EPAS1: variants seen among roughly 807,000 people sequenced by gnomAD.
The protein encoded by EPAS1 is endothelial PAS domain protein 1.
A neutral mutation model predicts 87.9 loss-of-function variants in EPAS1; 23 were observed. That is an observed-to-expected ratio of 0.26 (90% CI 0.19 to 0.37). The LOEUF (loss-of-function observed/expected upper bound fraction) is 0.37. EPAS1 is among the 10% of genes least tolerant of loss of function. The probability of loss-of-function intolerance (pLI) is 1.00; values close to 1 mark genes in which losing one functional copy is unlikely to be tolerated. For missense variants in EPAS1, 1,138 were observed against 1,120.7 expected (o/e 1.02, Z -0.22); for synonymous variants, 508 against 444.3 (o/e 1.14, Z -1.80).
chr2:46,332,289 TAC>T (rs1491339065), intron 1 of EPAS1, among the ~76,000 whole-genome samples: 103 of 110,866 alleles, frequency 9.3e-4, no homozygotes, highest in Non-Finnish European at 1.5e-3. Flanking sequence ...AAAAAAAAAA[TAC>T]GTGTGTGTGT....
rs1684851730 is a variant in EPAS1, at chr2:46,380,063, A to G, written c.1555-164A>G. ...ACAAGGTCGTGTACATGACACAGCCAAGTCTGAGGTTTTCCTGATAGGCCC... is the reference window on the plus strand; with the variant it reads ...ACAAGGTCGTGTACATGACACAGCCGAGTCTGAGGTTTTCCTGATAGGCCC... On this transcript the variant is annotated intron_variant, in intron 11 of 15. Coordinates refer to ENST00000263734, the MANE Select transcript of EPAS1 (RefSeq NM_001430.5). The surrounding 1 kb of genome is among the most constrained non-coding windows in gnomAD (Gnocchi z 4.4). 1 of 1,095,984 alleles carries G rather than the reference A, an allele frequency of 9.1e-7. No individual in the cohort carries two copies. Among genetic ancestry groups the G allele is most frequent in the Non-Finnish European group, 1.4e-6 (1 of 726,208 alleles). 67.9% of individuals were successfully genotyped at this position (1,095,984 alleles called of 1,614,324 possible). A position where few individuals can be genotyped will look rare whatever the true frequency, so the allele number is the denominator to read the frequency against.
intron 15 of EPAS1, among the ~76,000 whole-genome samples, chr2:46,383,957 C>T (rs760383634): frequency 1.3e-5 from 2 of 152,190 alleles, no homozygotes; most frequent in Non-Finnish European, 2.9e-5. Context: ...CTGCTGCCAC[C>T]TAAGCCTTTC....
chr2:46,363,771 C>T (rs1451362279), intron 6 of EPAS1, among the ~76,000 whole-genome samples: 1 of 152,184 alleles, frequency 6.6e-6, no homozygotes, highest in Non-Finnish European at 1.5e-5. Flanking sequence ...AGACACACTG[C>T]ATTTTCAGCA....
At chr2:46,348,795 T>C (rs1444049750) in intron 2 of EPAS1, among the ~76,000 whole-genome samples, 1 of 152,240 alleles carries the variant, frequency 6.6e-6, no homozygotes, top group Non-Finnish European at 1.5e-5. Flanking sequence ...AACCCAAAAA[T>C]CTGAAATTTG....
intron 12 of EPAS1, 175 bp from the exon 13 acceptor site, chr2:46,381,421 G>A (rs1368074497): frequency 1.1e-6 from 1 of 948,334 alleles, no homozygotes; most frequent in East Asian, 2.6e-5. Context: ...TGAGGAAGGA[G>A]ACAGAGCTCG....
At position 46,375,733 on chromosome 2, in the gene EPAS1, C is replaced by A; in HGVS notation, c.930C>A (p.Leu310=). ...TAGTAAGTGGCCAGTACCGGATGCT[C>A]GCAAAGCATGGGGGCTACGTGTGGC... The part of the protein sequence containing the change: ...GQVVSGQYRM[L]AKHGGYVWLE... The change falls in exon 8 of 16, where the codon CTC becomes CTA. Residue 310 remains leucine (L), a synonymous_variant. Coordinates refer to ENST00000263734, the MANE Select transcript of EPAS1 (RefSeq NM_001430.5). This position sits in a 1 kb window ranked among gnomAD's most constrained non-coding sequence, Gnocchi z 4.1. 2 of 1,614,168 alleles carry A rather than the reference C, an allele frequency of 1.2e-6. No homozygotes were observed. Among genetic ancestry groups the A allele is most frequent in the Non-Finnish European group, 1.7e-6 (2 of 1,180,026 alleles).
At chr2:46,313,049 A>G (rs972550641) in intron 1 of EPAS1, among the ~76,000 whole-genome samples, 11 of 152,236 alleles carry the variant, frequency 7.2e-5, no homozygotes, top group African/African-American at 2.7e-4. Context: ...AAGAAAGCAG[A>G]TGACTTGCCC....
rs149594770 is a variant in EPAS1 at position 46,325,063 on chromosome 2, T to A, written c.27-21810T>A. 8.0e-3 allele frequency among the ~76,000 whole-genome samples: 1,217 copies of A among 152,362 alleles called. 18 individuals carry two copies. The highest frequency in any genetic ancestry group is 0.027 in the African/African-American group (1,119 of 41,586). On this transcript the variant is annotated intron_variant, in intron 1 of 15. Transcript: ENST00000263734. ...GTTTATCTTTAGGGTGAGCTGACCTTTCCAGATGGAGCAGGGAAATCTCCT... is the reference window on the plus strand; with the variant it reads ...GTTTATCTTTAGGGTGAGCTGACCTATCCAGATGGAGCAGGGAAATCTCCT...
chr2:46,363,561 G>C (rs1217585604), intron 6 of EPAS1, among the ~76,000 whole-genome samples: 1 of 152,182 alleles, frequency 6.6e-6, no homozygotes, highest in Non-Finnish European at 1.5e-5. Context: ...AGAAGAGGGG[G>C]AGAAACACAA....
chr2:46,315,104 A>G (rs1683285455), intron 1 of EPAS1, among the ~76,000 whole-genome samples: 1 of 152,208 alleles, frequency 6.6e-6, no homozygotes, highest in East Asian at 1.9e-4. Flanking sequence ...TGGGGCTTCC[A>G]AAATATCAAC....
Position 46,346,778 on chromosome 2 carries a change from C to G in EPAS1, c.27-95C>G, listed in dbSNP as rs998101795. 1.9e-5 allele frequency: 25 copies of G among 1,322,876 alleles called. No individual in the cohort carries two copies. In the East Asian group the frequency reaches 2.9e-4, roughly 16 times the overall value. The allele number at this position is 1,322,876 out of a possible 1,614,324, so 81.9% of individuals were successfully genotyped here. ...AGATCAGTCTAGTAAGGGAGTGTGGCTGCACTGGGGGTTGGGGCCATGGGG... is the reference window on the plus strand; with the variant it reads ...AGATCAGTCTAGTAAGGGAGTGTGGGTGCACTGGGGGTTGGGGCCATGGGG... On this transcript the variant is annotated intron_variant, in intron 1 of 15. Coordinates refer to ENST00000263734, the MANE Select transcript of EPAS1 (RefSeq NM_001430.5). The surrounding 1 kb of genome is among the most constrained non-coding windows in gnomAD (Gnocchi z 4.0).
intron 1 of EPAS1, among the ~76,000 whole-genome samples, chr2:46,303,292 T>G (rs1322325747): frequency 1.3e-5 from 2 of 151,682 alleles, no homozygotes; most frequent in African/African-American, 4.9e-5. Flanking sequence ...CCACACAGAG[T>G]AGGTGCTGAC....
chr2:46,370,157 T>C lies in EPAS1; in HGVS notation c.886+224T>C, dbSNP rs6753127. 0.93 allele frequency among the ~76,000 whole-genome samples: 142,321 copies of C among 152,286 alleles called. 66,572 individuals are homozygous for C. The highest frequency in any genetic ancestry group is 0.98 in the African/African-American group (40,912 of 41,576). On this transcript the variant is annotated intron_variant, in intron 7 of 15. Coordinates refer to ENST00000263734, the MANE Select transcript of EPAS1 (RefSeq NM_001430.5). ...AAAAAGGACACTTCCTCCAGGGAGA[T>C]GCACCCGTGCCAAGGTGCACAGCTG...
Position 46,378,685 on chromosome 2 carries a change from C to G in EPAS1, c.1472C>G (p.Ser491Cys). The G allele has an allele frequency of 6.2e-7, 1 of 1,614,184 alleles. No homozygotes were observed. The highest frequency in any genetic ancestry group is 8.5e-7 in the Non-Finnish European group (1 of 1,180,034). ...TPNSPEDYYT[S>C]LDNDLKIEVI... is the part of the protein sequence containing the mutation. ...AATAGCCCTGAAGACTATTACACAT[C>G]TTTGGATAACGACCTGAAGATTGAA... The change falls in exon 11 of 16, where the codon TCT becomes TGT. Residue 491 changes from serine to cysteine, a missense_variant. This residue lies in a region of EPAS1 where 284 missense variants were observed against 258.4 expected (regional missense o/e 1.10). Transcript: ENST00000263734.
chr2:46,306,701 A>T (rs1408563950), intron 1 of EPAS1, among the ~76,000 whole-genome samples: 2 of 152,232 alleles, frequency 1.3e-5, no homozygotes, highest in African/African-American at 4.8e-5. Flanking sequence ...TTGTTTATGA[A>T]TTCCACATAG....
intron 1 of EPAS1, among the ~76,000 whole-genome samples, chr2:46,333,096 T>G (rs1236655178): frequency 6.6e-6 from 1 of 151,856 alleles, no homozygotes; most frequent in Non-Finnish European, 1.5e-5. Flanking sequence ...CAGTGAGGAG[T>G]CATGGGGTGT....
At chr2:46,342,255 G>C (rs1683928593) in intron 1 of EPAS1, among the ~76,000 whole-genome samples, 1 of 152,144 alleles carries the variant, frequency 6.6e-6, no homozygotes, top group Non-Finnish European at 1.5e-5. Flanking sequence ...CTCATCTCTG[G>C]AACCTGGAGC....
intron 1 of EPAS1, among the ~76,000 whole-genome samples, chr2:46,329,447 T>C (rs910658122): frequency 2.0e-5 from 3 of 151,842 alleles, no homozygotes; most frequent in Non-Finnish European, 2.9e-5. Flanking sequence ...GACCGAGGAG[T>C]TGTCCCTGTA....
intron 4 of EPAS1, among the ~76,000 whole-genome samples, 186 bp downstream of exon 4, chr2:46,356,994 A>G (rs1684283713): frequency 6.6e-6 from 1 of 152,162 alleles, no homozygotes; most frequent in African/African-American, 2.4e-5. Flanking sequence ...AGTACTCAGA[A>G]ATATCTCCTG....
Sources: allele counts gnomAD v4.1 joint callset (sites outside exome capture counted in the v4.1 genomes callset), GRCh38; gene constraint gnomAD v4.1.1; regional missense constraint gnomAD v4.1.1; non-coding constraint Gnocchi (gnomAD v3.1); transcripts MANE v1.5; gene names NCBI Gene and HGNC (gene_info 2026-07-23, HGNC 2026-07-21).